Variants in CEP350 observed in about 807,000 individuals in gnomAD.
CEP350 encodes the protein centrosome-associated protein 350.
In CEP350, 126 loss-of-function variants were observed where a neutral mutation model predicts 331.8. The observed-to-expected ratio is 0.38, with a 90% CI of 0.33 to 0.44. The LOEUF is 0.44. Ranked by LOEUF, CEP350 falls within the 20% of genes least tolerant of loss-of-function variation. The pLI is 1.00. For missense variants in CEP350, 3,406 were observed against 3,634.6 expected, an observed-to-expected ratio of 0.94 and a Z score of 1.62; for synonymous variants, 1,200 against 1,259.5, an observed-to-expected ratio of 0.95 and a Z score of 1.00.
intron 1 of CEP350, among the ~76,000 whole-genome samples, chr1:179,984,265 A>C (rs1379309216): frequency 6.6e-6 from 1 of 152,250 alleles, no homozygotes; most frequent in Non-Finnish European, 1.5e-5. Flanking sequence ...ATTTTAAAAC[A>C]CCAAGCATTT....
At chr1:180,057,065 T>A (rs1657896192) in intron 25 of CEP350, among the ~76,000 whole-genome samples, 1 of 152,074 alleles carries the variant, frequency 6.6e-6, no homozygotes, top group East Asian at 1.9e-4. Context: ...TTTGACTCTG[T>A]TGAAATTCTC....
intron 14 of CEP350, among the ~76,000 whole-genome samples, chr1:180,025,847 A>G (rs919288355): frequency 6.6e-5 from 10 of 152,124 alleles, no homozygotes; most frequent in African/African-American, 2.4e-4. Flanking sequence ...GCAAACCACC[A>G]TGGCGCATAT....
Position 180,013,837 on chromosome 1 carries a change from T to C in CEP350, c.1394-10T>C. The stretch of plus-strand genomic sequence containing the variant: ...ATTTCGGTATATCACTAACAGTTCA[T>C]ACTTTGCAGGGGGTCACATTGGAAG... On this transcript the variant is annotated splice_polypyrimidine_tract_variant and intron_variant, in intron 9 of 37. Coordinates refer to ENST00000367607, the MANE Select transcript of CEP350 (RefSeq NM_014810.5). 1 of 1,593,838 alleles carries C rather than the reference T, an allele frequency of 6.3e-7. No individual in the cohort carries two copies. Among genetic ancestry groups the C allele is most frequent in the Non-Finnish European group, 8.5e-7 (1 of 1,171,590 alleles).
chr1:180,072,984 A>G (rs894892228), intron 27 of CEP350, among the ~76,000 whole-genome samples: 1 of 152,210 alleles, frequency 6.6e-6, no homozygotes, highest in Non-Finnish European at 1.5e-5. Context: ...GGATCTATTT[A>G]TTATTACAAA....
intron 31 of CEP350, 105 bp downstream of exon 31, chr1:180,084,283 A>G (rs1251082606): frequency 1.9e-6 from 2 of 1,077,226 alleles, no homozygotes; most frequent in East Asian, 3.0e-5. Context: ...ATTCTTCATT[A>G]TTAGTGTGGT....
intron 3 of CEP350, 100 bp from the exon 4 acceptor site, chr1:179,990,407 A>C: frequency 6.2e-6 from 3 of 481,442 alleles, no homozygotes; most frequent in Non-Finnish European, 1.1e-5. Flanking sequence ...ACTTTGGAAA[A>C]AGGTATTGGG....
In CEP350 at chr1:180,095,691, A is replaced by T; in HGVS notation, c.8680A>T (p.Thr2894Ser). The change falls in exon 35 of 38, where the codon ACC becomes TCC. Residue 2894 changes from threonine (T) to serine (S), a missense_variant. Coordinates refer to ENST00000367607, the MANE Select transcript of CEP350 (RefSeq NM_014810.5). Reference sequence around the variant, plus strand: ...GATCCAAAAAAATAAGGCAGAAGAAACCATTGTACCTCTAATGGCAGAACC... The same window carrying T: ...GATCCAAAAAAATAAGGCAGAAGAATCCATTGTACCTCTAATGGCAGAACC... ...HKIQKNKAEETIVPLMAEPKR... is the reference protein window; with the variant it reads ...HKIQKNKAEESIVPLMAEPKR... The T allele has an allele frequency of 6.2e-7, 1 of 1,613,982 alleles. No homozygotes were observed. Among genetic ancestry groups the T allele is most frequent in the Non-Finnish European group, 8.5e-7 (1 of 1,179,888 alleles).
chr1:180,034,376 A>G (rs6425602), intron 16 of CEP350, among the ~76,000 whole-genome samples: 122,939 of 152,056 alleles, frequency 0.81, 50,029 homozygotes, highest in Admixed American at 0.87. Context: ...ACATGTACGC[A>G]TGCACACACA....
At position 180,041,000 on chromosome 1, in the gene CEP350, A is replaced by G. The variant is rs906887746; in HGVS notation, c.4111-138A>G. On this transcript the variant is annotated intron_variant, in intron 17 of 37. Transcript: ENST00000367607. ...AAATGGTAAGTGGCTGTTGACTATTATTTTTACTATCTTTCCTTTTGGTTC... is the reference window on the plus strand; with the variant it reads ...AAATGGTAAGTGGCTGTTGACTATTGTTTTTACTATCTTTCCTTTTGGTTC... 33 of 626,530 alleles carry G rather than the reference A, an allele frequency of 5.3e-5. No homozygotes were observed. The East Asian group carries it at 7.0e-4, about 13-fold the overall frequency. The allele number at this position is 626,530 out of a possible 1,614,324, so 38.8% of individuals were successfully genotyped here.
intron 1 of CEP350, among the ~76,000 whole-genome samples, chr1:179,973,230 A>G (rs1383774957): frequency 2.6e-5 from 4 of 152,238 alleles, no homozygotes; most frequent in African/African-American, 9.6e-5. Flanking sequence ...AATAATCAGC[A>G]GTGGTACCCC....
At chr1:179,988,044 C>G (rs1652766188) in intron 3 of CEP350, among the ~76,000 whole-genome samples, 1 of 152,044 alleles carries the variant, frequency 6.6e-6, no homozygotes, top group South Asian at 2.1e-4. Flanking sequence ...ATCCTGTAAT[C>G]CCAGCACTTT....
intron 19 of CEP350, among the ~76,000 whole-genome samples, chr1:180,042,303 A>G (rs1656823017): frequency 6.6e-6 from 1 of 152,198 alleles, no homozygotes; most frequent in African/African-American, 2.4e-5. Flanking sequence ...CCAGAATGAT[A>G]TTAGTTACTG....
intron 5 of CEP350, among the ~76,000 whole-genome samples, chr1:179,996,069 G>A (rs374754548): frequency 6.6e-6 from 1 of 152,212 alleles, no homozygotes; most frequent in African/African-American, 2.4e-5. Context: ...GAGTTCTTAG[G>A]AAATCTCTTT....
chr1:180,008,762 T>G (rs1654421819), intron 8 of CEP350, among the ~76,000 whole-genome samples: 1 of 152,160 alleles, frequency 6.6e-6, no homozygotes, highest in South Asian at 2.1e-4. Context: ...GTTGTTACAA[T>G]AAAGTATGAT....
intron 5 of CEP350, among the ~76,000 whole-genome samples, chr1:179,994,535 C>A (rs1653337500): frequency 6.6e-6 from 1 of 150,908 alleles, no homozygotes; most frequent in African/African-American, 2.4e-5. Context: ...CTCACTACAG[C>A]CTTGATCTCC....
rs187401360 is a variant in CEP350 at position 180,056,350 on chromosome 1, G to A, written c.5262+1848G>A. 1.7e-4 allele frequency among the ~76,000 whole-genome samples: 26 copies of A among 151,908 alleles called. No individual in the cohort carries two copies. In the East Asian group the frequency reaches 4.4e-3, roughly 26 times the overall value. Reference sequence around the variant, plus strand: ...TTTCAGTAGTTTTACTATGATGCATGTAGGCGTGGTTTCCTTTGTATCTAT... The same window carrying A: ...TTTCAGTAGTTTTACTATGATGCATATAGGCGTGGTTTCCTTTGTATCTAT... On this transcript the variant is annotated intron_variant, in intron 25 of 37. Transcript: ENST00000367607.
intron 32 of CEP350, among the ~76,000 whole-genome samples, 154 bp from the exon 33 acceptor site, chr1:180,090,560 A>AAAAAAAAAGAAG: frequency 8.0e-6 from 1 of 124,416 alleles, no homozygotes; most frequent in East Asian, 2.5e-4. Context: ...AAAAAAAAAA[A>AAAAAAAAAGAAG]AAAAAAAAAA....
intron 28 of CEP350, 55 bp downstream of exon 28, chr1:180,075,276 G>T (rs1259055549): frequency 6.8e-7 from 1 of 1,472,832 alleles, no homozygotes; most frequent in African/African-American, 1.4e-5. Flanking sequence ...ATAATTGAAA[G>T]ATATATTTCA....
intron 13 of CEP350, among the ~76,000 whole-genome samples, chr1:180,023,225 T>G (rs1655447597): frequency 6.6e-6 from 1 of 151,972 alleles, no homozygotes; most frequent in Non-Finnish European, 1.5e-5. Flanking sequence ...TGAGCCGAGA[T>G]TGCACCACTG....
Sources: allele counts gnomAD v4.1 joint callset (sites outside exome capture counted in the v4.1 genomes callset), GRCh38; gene constraint gnomAD v4.1.1; transcripts MANE v1.5; gene names NCBI Gene and HGNC (gene_info 2026-07-23, HGNC 2026-07-21).